NRG1: variants seen among roughly 807,000 people sequenced by gnomAD.
The protein encoded by NRG1 is pro-neuregulin-1, membrane-bound isoform.
Under a neutral mutation model 63.8 loss-of-function variants are expected in NRG1, and 18 were observed. The ratio of observed to expected loss-of-function variants is 0.28; its 90% confidence interval spans 0.19 to 0.42. The LOEUF is 0.42. Among genes scored for constraint, NRG1 ranks in the 10% least tolerant of loss-of-function variants. The probability of loss-of-function intolerance (pLI) is 1.00; values close to 1 mark genes in which losing one functional copy is unlikely to be tolerated. For missense variants in NRG1, 762 were observed against 814.7 expected (o/e 0.94, Z 0.79); for synonymous variants, 302 against 301.3 (o/e 1.00, Z -0.02).
upstream of NRG1, among the ~76,000 whole-genome samples, chr8:32,547,359 T>G (rs964842978): frequency 1.3e-5 from 2 of 152,134 alleles, no homozygotes; most frequent in Non-Finnish European, 2.9e-5. Flanking sequence ...GGATCTCCAG[T>G]TCTGTGTCTT....
intron 1 of NRG1, among the ~76,000 whole-genome samples, chr8:31,683,950 A>G (rs1808604494): frequency 6.6e-6 from 1 of 152,188 alleles, no homozygotes; most frequent in Admixed American, 6.5e-5. Context: ...AAAAGTTAGG[A>G]TTAAGAGAAT....
chr8:32,274,176 A>G (rs1851842878), intron 1 of NRG1, among the ~76,000 whole-genome samples: 1 of 152,200 alleles, frequency 6.6e-6, no homozygotes, highest in Non-Finnish European at 1.5e-5. Context: ...ATACATGCAG[A>G]GTGCAAGAGC....
chr8:32,680,193 C>T (rs753764451), intron 5 of NRG1, among the ~76,000 whole-genome samples: 6 of 152,048 alleles, frequency 3.9e-5, no homozygotes, highest in Non-Finnish European at 2.9e-5. Context: ...TCTTCAGTTC[C>T]ACATTTTCAA....
At chr8:31,775,438 A>G (rs2131589333) in intron 1 of NRG1, among the ~76,000 whole-genome samples, 1 of 152,312 alleles carries the variant, frequency 6.6e-6, no homozygotes, top group South Asian at 2.1e-4. Flanking sequence ...GGACCCCAAA[A>G]GCACAGAGGA....
chr8:31,706,301 A>G (rs912552307), intron 1 of NRG1, among the ~76,000 whole-genome samples: 2 of 152,162 alleles, frequency 1.3e-5, no homozygotes, highest in Non-Finnish European at 2.9e-5. Context: ...AAAATGTAGC[A>G]CATTTTATAA....
chr8:32,034,262 G>A (rs953450148), intron 1 of NRG1, among the ~76,000 whole-genome samples: 1 of 152,068 alleles, frequency 6.6e-6, no homozygotes, highest in Non-Finnish European at 1.5e-5. Context: ...TTATTGATTT[G>A]CATATGTTGA....
rs576573136 is a variant in NRG1 at position 32,720,132 on chromosome 8, A to G, written c.503-7817A>G. Among the ~76,000 whole-genome samples, 3 of 152,270 alleles carry G rather than the reference A, an allele frequency of 2.0e-5. No homozygotes were observed. In the East Asian group the frequency reaches 5.8e-4, roughly 29 times the overall value. On this transcript the variant is annotated intron_variant, in intron 5 of 11. Transcript: ENST00000356819. ...TAGTTGGTGAATAAATTAACATGTC[A>G]TTAAATGTCACATGGTAATTTCAGT...
At chr8:31,850,085 A>C (rs1827067170) in intron 1 of NRG1, among the ~76,000 whole-genome samples, 1 of 152,158 alleles carries the variant, frequency 6.6e-6, no homozygotes, top group Non-Finnish European at 1.5e-5. Flanking sequence ...GTATCAACAC[A>C]GTGACCACAA....
intron 1 of NRG1, among the ~76,000 whole-genome samples, chr8:31,775,353 A>G (rs965092127): frequency 1.3e-5 from 2 of 152,238 alleles, no homozygotes; most frequent in Non-Finnish European, 1.5e-5. Flanking sequence ...CAGAAAGTCA[A>G]GTATCACGTT....
intron 5 of NRG1, among the ~76,000 whole-genome samples, chr8:32,649,997 G>A (rs936332890): frequency 3.3e-5 from 5 of 152,086 alleles, no homozygotes; most frequent in African/African-American, 1.2e-4. Flanking sequence ...TGCTTGAACA[G>A]GTTTCATTGT....
chr8:32,355,676 A>AG (rs1407387939), intron 1 of NRG1, among the ~76,000 whole-genome samples: 5 of 151,812 alleles, frequency 3.3e-5, no homozygotes, highest in Non-Finnish European at 5.9e-5. Flanking sequence ...GGGGAAAAAA[A>AG]AAACTGAGTA....
At chr8:32,033,817 G>T (rs1818633629) in intron 1 of NRG1, among the ~76,000 whole-genome samples, 1 of 152,220 alleles carries the variant, frequency 6.6e-6, no homozygotes, top group Non-Finnish European at 1.5e-5. Context: ...AGACTTTGCT[G>T]AAGTTGCCTA....
chr8:32,622,864 G>T (rs1034972939), intron 5 of NRG1, among the ~76,000 whole-genome samples: 1 of 152,174 alleles, frequency 6.6e-6, no homozygotes, highest in Non-Finnish European at 1.5e-5. Context: ...TCTAAAAAGA[G>T]AATAAAAGTC....
chr8:32,309,034 G>T (rs1424503129), intron 1 of NRG1, among the ~76,000 whole-genome samples: 1 of 152,122 alleles, frequency 6.6e-6, no homozygotes, highest in East Asian at 1.9e-4. Context: ...CTGATGTGTA[G>T]CTTATGAAGG....
At chr8:32,686,151 T>G (rs1810053824) in intron 5 of NRG1, among the ~76,000 whole-genome samples, 1 of 152,216 alleles carries the variant, frequency 6.6e-6, no homozygotes, top group South Asian at 2.1e-4. Context: ...TAGTGCTGTC[T>G]CCTTGATTGT....
Position 32,164,083 on chromosome 8 carries a change from C to T in NRG1, c.38-431745C>T, listed in dbSNP as rs140485459. 2.4e-3 allele frequency among the ~76,000 whole-genome samples: 372 copies of T among 152,162 alleles called. 1 individual carries two copies. The highest frequency in any genetic ancestry group is 0.023 in the South Asian group (112 of 4,812). On this transcript the variant is annotated intron_variant, in intron 1 of 10. Coordinates refer to the NRG1 transcript ENST00000519301. ...CTCATTTTTGTTCTCTCTCTTTTCC[C>T]CTCACCTCCGGACCTTTTCATCCTT...
chr8:32,591,371 A>G (rs771897755), intron 1 of NRG1, among the ~76,000 whole-genome samples: 16 of 152,172 alleles, frequency 1.1e-4, no homozygotes, highest in African/African-American at 3.1e-4. Flanking sequence ...AGAAATGTTC[A>G]TACATCAGGG....
At chr8:32,555,797 A>T (rs1563637106) in intron 1 of NRG1, among the ~76,000 whole-genome samples, 1 of 152,194 alleles carries the variant, frequency 6.6e-6, no homozygotes, top group South Asian at 2.1e-4. Flanking sequence ...ATGGTCACAC[A>T]GGCCTTGTTA....
At chr8:32,049,206 T>C (rs1198339809) in intron 1 of NRG1, among the ~76,000 whole-genome samples, 2 of 152,128 alleles carry the variant, frequency 1.3e-5, no homozygotes, top group Admixed American at 6.6e-5. Flanking sequence ...CCCTGAGAAA[T>C]GGATTATTCA....
Sources: gnomAD v4.1 joint callset for allele counts (sites outside exome capture counted in the v4.1 genomes callset) on GRCh38, gnomAD v4.1.1 for gene constraint, MANE v1.5 for transcripts, NCBI Gene and HGNC (gene_info 2026-07-23, HGNC 2026-07-21) for gene names.